Variants in PREX1 observed in about 807,000 individuals in gnomAD.
PREX1 encodes the protein phosphatidylinositol-3,4,5-trisphosphate dependent Rac exchange factor 1, also known as phosphatidylinositol 3,4,5-trisphosphate-dependent Rac exchanger 1 protein.
PREX1 carries 41 observed loss-of-function variants against 198.3 expected under a neutral mutation model. The observed-to-expected ratio is 0.21, with a 90% confidence interval of 0.16 to 0.27. The LOEUF (loss-of-function observed/expected upper bound fraction) is 0.27, where lower values mean the gene tolerates loss of function less well. Among genes scored for constraint, PREX1 ranks in the 10% least tolerant of loss-of-function variants. PREX1 has a pLI of 1.00. For missense variants in PREX1, 1,620 were observed against 2,200.7 expected (o/e 0.74, Z 5.28); for synonymous variants, 843 against 887.2 (o/e 0.95, Z 0.89).
the PREX1 span, among the ~76,000 whole-genome samples, chr20:48,884,196 T>G: frequency 6.6e-6 from 1 of 150,624 alleles, no homozygotes; most frequent in East Asian, 1.9e-4. Flanking sequence ...ACCCTAAAAT[T>G]CATGTGGAAA....
intron 1 of PREX1, among the ~76,000 whole-genome samples, chr20:48,796,805 C>T (rs2090365063): frequency 6.6e-6 from 1 of 150,440 alleles, no homozygotes; most frequent in Non-Finnish European, 1.5e-5. Context: ...TAATTATATA[C>T]ACATGTATAG....
intron 1 of PREX1, among the ~76,000 whole-genome samples, chr20:48,768,592 G>A (rs561304274): frequency 1.2e-4 from 19 of 152,186 alleles, no homozygotes; most frequent in Non-Finnish European, 2.1e-4. Flanking sequence ...TCAGGAGTTC[G>A]AGACCAGCCT....
the PREX1 span, among the ~76,000 whole-genome samples, chr20:48,846,692 T>C: frequency 6.6e-5 from 10 of 152,250 alleles, 1 homozygote; most frequent in South Asian, 2.1e-3. Context: ...ACAATGCCAG[T>C]GGCCCAGTTG....
rs542696293 is a variant in PREX1 at position 48,653,352 on chromosome 20, T to G, written c.2346+9A>C. Reference sequence around the variant, plus strand: ...CTTCTTTGACGGCCCCGGTTTCCAGTAAACTTACCAGGGCCTCTTCGCGCC... The same window carrying G: ...CTTCTTTGACGGCCCCGGTTTCCAGGAAACTTACCAGGGCCTCTTCGCGCC... On this transcript the variant is annotated intron_variant, in intron 20 of 39. Transcript: ENST00000371941. The G allele has an allele frequency of 4.3e-6, 7 of 1,609,324 alleles. No homozygotes were observed. The highest frequency in any genetic ancestry group is 4.0e-5 in the African/African-American group (3 of 74,904).
At chr20:48,713,119 T>C (rs1393789476) in intron 5 of PREX1, among the ~76,000 whole-genome samples, 3 of 144,146 alleles carry the variant, frequency 2.1e-5, no homozygotes, top group South Asian at 2.2e-4. Flanking sequence ...CCAGCCTGGG[T>C]GACAGAGCAA....
chr20:48,862,019 G>T, the PREX1 span, among the ~76,000 whole-genome samples: 2 of 152,106 alleles, frequency 1.3e-5, no homozygotes, highest in Non-Finnish European at 2.9e-5. Flanking sequence ...AGACCAGCCT[G>T]ACCAACATGG....
In PREX1 at chr20:48,625,783, G is replaced by A. The variant is rs980453807; in HGVS notation, c.*102C>T. The stretch of plus-strand genomic sequence containing the variant: ...TGGGCAGGTCCCGGAACGGGCGGCT[G>A]CGGAAGCCTTGGGCCATCCCTGGAG... On this transcript the variant is annotated 3_prime_UTR_variant, in exon 40 of 40. Coordinates refer to ENST00000371941, the MANE Select transcript of PREX1 (RefSeq NM_020820.4). 3.8e-6 allele frequency: 5 copies of A among 1,333,248 alleles called. No homozygotes were observed. The highest frequency in any genetic ancestry group is 5.8e-5 in the East Asian group (2 of 34,344). The allele number at this position is 1,333,248 out of a possible 1,614,324, so 82.6% of individuals were successfully genotyped here.
intron 1 of PREX1, among the ~76,000 whole-genome samples, chr20:48,773,246 G>C (rs182433324): frequency 8.2e-6 from 1 of 122,028 alleles, no homozygotes; most frequent in Non-Finnish European, 1.6e-5. Flanking sequence ...CAGCCTGAGT[G>C]ATAGAGTGAG....
chr20:48,733,592 CAA>C (rs1418976720), intron 4 of PREX1, among the ~76,000 whole-genome samples: 4 of 152,174 alleles, frequency 2.6e-5, no homozygotes, highest in Non-Finnish European at 5.9e-5. Flanking sequence ...AAAGGAGAGT[CAA>C]GAGACATACA....
At chr20:48,840,084 G>A in the PREX1 span, among the ~76,000 whole-genome samples, 8 of 152,124 alleles carry the variant, frequency 5.3e-5, no homozygotes, top group Non-Finnish European at 1.2e-4. Context: ...GCACAATCAT[G>A]GCTCACTGCA....
chr20:48,628,250 G>C (rs1242492693), intron 37 of PREX1, among the ~76,000 whole-genome samples: 2 of 152,224 alleles, frequency 1.3e-5, no homozygotes, highest in Non-Finnish European at 2.9e-5. Context: ...CTCGCTCAGA[G>C]GAGGACTCGG....
chr20:48,768,287 G>C (rs550670578), intron 1 of PREX1, among the ~76,000 whole-genome samples: 7 of 152,034 alleles, frequency 4.6e-5, no homozygotes, highest in Admixed American at 3.3e-4. Flanking sequence ...CCATCAACAG[G>C]AGAACGGATG....
chr20:48,778,457 G>A (rs961026312), intron 1 of PREX1, among the ~76,000 whole-genome samples: 22 of 152,016 alleles, frequency 1.4e-4, no homozygotes, highest in South Asian at 1.2e-3. Context: ...GCCAGGCATG[G>A]CACACGCCTG....
At chr20:48,878,414 A>C in the PREX1 span, among the ~76,000 whole-genome samples, 1 of 151,622 alleles carries the variant, frequency 6.6e-6, no homozygotes, top group Non-Finnish European at 1.5e-5. Flanking sequence ...ATCTCGGCTC[A>C]CTGAAACCTC....
intron 1 of PREX1, among the ~76,000 whole-genome samples, chr20:48,767,275 G>C (rs935009834): frequency 5.9e-5 from 9 of 152,180 alleles, no homozygotes; most frequent in Admixed American, 5.9e-4. Flanking sequence ...GCTCACCAGG[G>C]ATTCTGCAAG....
intron 6 of PREX1, among the ~76,000 whole-genome samples, chr20:48,707,172 C>T (rs736659): frequency 0.3 from 46,296 of 152,170 alleles, 9,478 homozygotes; most frequent in African/African-American, 0.59. Context: ...CTGTGCTTTG[C>T]TGCAAAAATA....
At chr20:48,824,884 C>T (rs549957317) in intron 1 of PREX1, among the ~76,000 whole-genome samples, 9 of 152,188 alleles carry the variant, frequency 5.9e-5, no homozygotes, top group Non-Finnish European at 1.3e-4. Flanking sequence ...GCCGATGGGA[C>T]CTTCACACCA....
chr20:48,770,440 G>T lies in PREX1; in HGVS notation c.220-22560C>A, dbSNP rs532844912. Among the ~76,000 whole-genome samples, 101 of 152,318 alleles carry T rather than the reference G, an allele frequency of 6.6e-4. 1 individual carries two copies. The South Asian group carries it at 0.017, about 26-fold the overall frequency. On this transcript the variant is annotated intron_variant, in intron 1 of 39. Transcript: ENST00000371941. The stretch of plus-strand genomic sequence containing the variant: ...GGCAAGATCTGGCCAGCCAGGCACA[G>T]TGGCTCACATCTGTAATCCCAGCAC...
At chr20:48,732,453 T>C (rs181818389) in intron 4 of PREX1, among the ~76,000 whole-genome samples, 3 of 152,270 alleles carry the variant, frequency 2.0e-5, no homozygotes, top group African/African-American at 7.2e-5. Flanking sequence ...TTGTTCTACT[T>C]TTATATACTG....
Sources: gnomAD v4.1 joint callset for allele counts (sites outside exome capture counted in the v4.1 genomes callset) on GRCh38, gnomAD v4.1.1 for gene constraint, MANE v1.5 for transcripts, NCBI Gene and HGNC (gene_info 2026-07-23, HGNC 2026-07-21) for gene names.